Variants in CDYL observed in about 807,000 individuals in gnomAD.
CDYL encodes the protein chromodomain Y-like protein.
In CDYL, 8 loss-of-function variants were observed where a neutral mutation model predicts 47.3. That is an observed-to-expected ratio of 0.17 (90% CI 0.10 to 0.31). The LOEUF is 0.31. Ranked by LOEUF, CDYL falls within the 10% of genes least tolerant of loss-of-function variation. CDYL has a pLI of 1.00. For missense variants in CDYL, 471 were observed against 701.4 expected (o/e 0.67, Z 3.71); for synonymous variants, 266 against 265.0 (o/e 1.00, Z -0.04).
At chr6:4,790,213 A>G (rs1758881774) in intron 1 of CDYL, among the ~76,000 whole-genome samples, 1 of 152,234 alleles carries the variant, frequency 6.6e-6, no homozygotes, top group Non-Finnish European at 1.5e-5. Context: ...GAAAGCCTTG[A>G]GTTTATAAAG....
chr6:4,783,966 A>G (rs1158033307), intron 1 of CDYL, among the ~76,000 whole-genome samples: 1 of 152,202 alleles, frequency 6.6e-6, no homozygotes, highest in East Asian at 1.9e-4. Context: ...AGGAATTCCA[A>G]GTAGACATCT....
chr6:4,778,527 C>T (rs1362264225), intron 1 of CDYL, among the ~76,000 whole-genome samples: 1 of 152,138 alleles, frequency 6.6e-6, no homozygotes, highest in Non-Finnish European at 1.5e-5. Context: ...TTATTGAATG[C>T]TTGCCATATG....
chr6:4,838,709 C>A (rs1402787599), intron 1 of CDYL, among the ~76,000 whole-genome samples: 1 of 151,182 alleles, frequency 6.6e-6, no homozygotes, highest in Non-Finnish European at 1.5e-5. Context: ...TTTTTTGAGA[C>A]AGAGTCTCCC....
chr6:4,799,392 T>A (rs750609484), intron 1 of CDYL, among the ~76,000 whole-genome samples: 20 of 152,210 alleles, frequency 1.3e-4, no homozygotes, highest in Non-Finnish European at 2.4e-4. Flanking sequence ...TTGATGGAGC[T>A]TTTCATAAAT....
intron 1 of CDYL, among the ~76,000 whole-genome samples, chr6:4,846,604 G>A (rs1015267607): frequency 6.6e-6 from 1 of 152,078 alleles, no homozygotes; most frequent in African/African-American, 2.4e-5. Context: ...TTTATTCCTG[G>A]TTGACTTTCA....
rs1490288076 is a variant in CDYL, at chr6:4,744,659, C to T, written c.186+9815C>T. Among the ~76,000 whole-genome samples, 2 of 152,188 alleles carry T rather than the reference C, an allele frequency of 1.3e-5. 1 individual carries two copies. Among genetic ancestry groups the T allele is most frequent in the South Asian group, 4.1e-4 (2 of 4,830 alleles). ...ATTCTTTACATACCTTTACTAATCT[C>T]TAAAAACCTTATGAGGTAGATACTA... On this transcript the variant is annotated intron_variant, in intron 3 of 8. Transcript: ENST00000328908.
At chr6:4,759,923 A>G (rs113931752) in intron 3 of CDYL, among the ~76,000 whole-genome samples, 5,049 of 118,080 alleles carry the variant, frequency 0.043, 652 homozygotes, top group African/African-American at 0.15. Flanking sequence ...AAAAAAAAAA[A>G]AAGAAGAAGA....
chr6:4,773,231 G>A (rs763310745), upstream of CDYL: 17 of 456,880 alleles, frequency 3.7e-5, 1 homozygote, highest in South Asian at 1.7e-4. The surrounding 1 kb of genome is among the most constrained non-coding windows in gnomAD (Gnocchi z 4.6). Flanking sequence ...TGTGTATATC[G>A]TCTCTCTTGT....
intron 1 of CDYL, among the ~76,000 whole-genome samples, chr6:4,832,295 A>G (rs1356898901): frequency 1.3e-5 from 2 of 152,120 alleles, no homozygotes; most frequent in African/African-American, 4.8e-5. Context: ...AGCATTGTTG[A>G]GTTTTGTCAA....
Position 4,831,369 on chromosome 6 carries a change from G to A in CDYL, c.24+54562G>A, listed in dbSNP as rs369443040. ...CCCATTGCTTGTTTTTCTCAGGTTT[G>A]TCAAAGATCAGATAGTTGTAGATAT... On this transcript the variant is annotated intron_variant, in intron 1 of 6. Coordinates refer to ENST00000397588, the MANE Select transcript of CDYL (RefSeq NM_004824.4). Among the ~76,000 whole-genome samples, 21 of 152,280 alleles carry A rather than the reference G, an allele frequency of 1.4e-4. No individual in the cohort carries two copies. The East Asian group carries it at 2.5e-3, about 18-fold the overall frequency.
In CDYL at chr6:4,900,774, C is replaced by CGTGTGTGTGT. The variant is rs368919776; in HGVS notation, c.691+8401_691+8402insGTGTGTGTGT. 5.0e-3 allele frequency among the ~76,000 whole-genome samples: 134 copies of CGTGTGTGTGT among 26,942 alleles called. 8 individuals are homozygous for CGTGTGTGTGT. Among genetic ancestry groups the CGTGTGTGTGT allele is most frequent in the African/African-American group, 0.017 (118 of 6,884 alleles). 17.7% of individuals were successfully genotyped at this position (26,942 alleles called of 152,430 possible). ...TTCATTCTTCTGTTAATTCCGTATA[C>CGTGTGTGTGT]GTGTGTATATATATATATATATATA... On this transcript the variant is annotated intron_variant, in intron 2 of 6. Coordinates refer to ENST00000397588, the MANE Select transcript of CDYL (RefSeq NM_004824.4).
chr6:4,787,765 CTTTT>C (rs70974136), intron 1 of CDYL, among the ~76,000 whole-genome samples: 229 of 69,428 alleles, frequency 3.3e-3, no homozygotes, highest in African/African-American at 0.013. Context: ...AAATTCAAGT[CTTTT>C]TTTTTTTTTT....
intron 3 of CDYL, among the ~76,000 whole-genome samples, chr6:4,754,523 CA>C (rs1478184164): frequency 6.6e-6 from 1 of 152,118 alleles, no homozygotes; most frequent in Non-Finnish European, 1.5e-5. Context: ...ACAATTTGGA[CA>C]AAGAGTGGTT....
chr6:4,829,018 A>G (rs1053377493), intron 1 of CDYL, among the ~76,000 whole-genome samples: 1 of 151,846 alleles, frequency 6.6e-6, no homozygotes, highest in Non-Finnish European at 1.5e-5. Flanking sequence ...TCAGTTCTTC[A>G]TATCTTTCTT....
intron 1 of CDYL, among the ~76,000 whole-genome samples, chr6:4,860,816 T>G (rs9502244): frequency 0.022 from 3,330 of 152,142 alleles, 78 homozygotes; most frequent in East Asian, 0.09. Context: ...GAGAAAGATG[T>G]AGGCTGGGAG....
chr6:4,858,533 C>A (rs949419679), intron 1 of CDYL, among the ~76,000 whole-genome samples: 2 of 152,246 alleles, frequency 1.3e-5, no homozygotes, highest in African/African-American at 4.8e-5. Flanking sequence ...CAGAGCCACA[C>A]AGCCCCAGCC....
chr6:4,720,502 T>C (rs1387195398), intron 2 of CDYL, among the ~76,000 whole-genome samples: 1 of 152,212 alleles, frequency 6.6e-6, no homozygotes, highest in Non-Finnish European at 1.5e-5. Context: ...AAAATAATAT[T>C]AACAACCATT....
chr6:4,903,023 A>G (rs1364281129), intron 2 of CDYL, among the ~76,000 whole-genome samples: 1 of 152,212 alleles, frequency 6.6e-6, no homozygotes, highest in Non-Finnish European at 1.5e-5. Context: ...GGCTTCATTA[A>G]CATTTGCGTG....
Position 4,921,795 on chromosome 6 carries a change from CT to C in CDYL, c.692-13709del, listed in dbSNP as rs200973635. ...GCATAGTACCTCGACATGCCATATA[CT>C]TTTTTTTTTTAACCAATTACATTCA... On this transcript the variant is annotated intron_variant, in intron 2 of 6. Coordinates refer to ENST00000397588, the MANE Select transcript of CDYL (RefSeq NM_004824.4). 2.6e-3 allele frequency among the ~76,000 whole-genome samples: 383 copies of C among 147,686 alleles called. 1 individual carries two copies. The highest frequency in any genetic ancestry group is 5.4e-3 in the African/African-American group (220 of 40,470).
Sources: gnomAD v4.1 joint callset for allele counts (sites outside exome capture counted in the v4.1 genomes callset) on GRCh38, gnomAD v4.1.1 for gene constraint, Gnocchi (gnomAD v3.1) non-coding constraint, MANE v1.5 for transcripts, NCBI Gene and HGNC (gene_info 2026-07-23, HGNC 2026-07-21) for gene names.